PHF14: variants seen among roughly 807,000 people sequenced by gnomAD.
PHF14 encodes PHD finger protein 14.
PHF14 carries 55 observed loss-of-function variants against 117.9 expected under a neutral mutation model. The ratio of observed to expected loss-of-function variants is 0.47; its 90% CI spans 0.38 to 0.58. PHF14 has a LOEUF of 0.58. PHF14 is among the 20% of genes least tolerant of loss of function. The pLI is 0.00. For missense variants in PHF14, 978 were observed against 1,122.2 expected, an observed-to-expected ratio of 0.87 and a Z score of 1.84; for synonymous variants, 409 against 368.6, an observed-to-expected ratio of 1.11 and a Z score of -1.26.
chr7:11,124,839 A>G (rs965115299), intron 17 of PHF14, among the ~76,000 whole-genome samples: 2 of 152,142 alleles, frequency 1.3e-5, no homozygotes, highest in Non-Finnish European at 2.9e-5. Flanking sequence ...AACTCAGATA[A>G]TTTTTCTATT....
Position 11,013,736 on chromosome 7 carries a change from GTT to G in PHF14, c.1046-4_1046-3del. On this transcript the variant is annotated splice_polypyrimidine_tract_variant and intron_variant, in intron 4 of 17. Coordinates refer to ENST00000634607, the MANE Select transcript of PHF14 (RefSeq NM_001007157.2). ...AACCCTATTTAATCATAGTGTTTTT[GTT>G]TTTTTTAGGTTGTTATGGAGTTGAT... is the stretch of plus-strand genomic sequence containing the variant. 2 of 1,464,020 alleles carry G rather than the reference GTT, an allele frequency of 1.4e-6. No homozygotes were observed. The highest frequency in any genetic ancestry group is 9.3e-7 in the Non-Finnish European group (1 of 1,078,110). 90.7% of individuals were successfully genotyped at this position (1,464,020 alleles called of 1,614,324 possible).
At chr7:11,074,920 T>C (rs1156374022) in intron 16 of PHF14, among the ~76,000 whole-genome samples, 1 of 151,276 alleles carries the variant, frequency 6.6e-6, no homozygotes, top group Non-Finnish European at 1.5e-5. Context: ...CCAAGCTGCT[T>C]CCATATTTTC....
At chr7:11,003,574 A>G (rs1782958578) in intron 4 of PHF14, among the ~76,000 whole-genome samples, 1 of 152,232 alleles carries the variant, frequency 6.6e-6, no homozygotes, top group African/African-American at 2.4e-5. Flanking sequence ...GGAAATGAAC[A>G]TATCCATCAT....
At chr7:11,089,095 T>TA (rs76206106) in intron 16 of PHF14, among the ~76,000 whole-genome samples, 4,745 of 138,440 alleles carry the variant, frequency 0.034, 78 homozygotes, top group Middle Eastern at 0.06. Flanking sequence ...TAATTAGATA[T>TA]AAAAAAAAAA....
At chr7:10,988,160 A>G (rs960785364) in intron 3 of PHF14, among the ~76,000 whole-genome samples, 6 of 151,982 alleles carry the variant, frequency 3.9e-5, no homozygotes, top group African/African-American at 9.7e-5. Flanking sequence ...AGTTTTCCCT[A>G]TTTCCCTCTT....
At chr7:11,084,852 A>C (rs980346659) in intron 16 of PHF14, among the ~76,000 whole-genome samples, 2 of 152,096 alleles carry the variant, frequency 1.3e-5, no homozygotes, top group African/African-American at 4.8e-5. Context: ...TATATTGATG[A>C]ACCATTTGGA....
Position 11,066,553 on chromosome 7 carries a change from T to C in PHF14, c.2654+4468T>C, listed in dbSNP as rs947868199. Among the ~76,000 whole-genome samples the C allele has an allele frequency of 5.3e-5, 8 of 152,246 alleles. No individual in the cohort carries two copies. The East Asian group carries it at 1.5e-3, about 29-fold the overall frequency. On this transcript the variant is annotated intron_variant, in intron 16 of 17. Transcript: ENST00000634607. ...TTTTCTTCTAGAAGCTTTGTAGTTT[T>C]GGCTTTTATATTTTATATGAGCTAT...
intron 5 of PHF14, among the ~76,000 whole-genome samples, chr7:11,019,283 T>G (rs1347758367): frequency 6.6e-6 from 1 of 152,166 alleles, no homozygotes; most frequent in East Asian, 1.9e-4. Context: ...CTTCCTCTGT[T>G]TTTTGGAATA....
intron 16 of PHF14, chr7:11,109,641 T>C (rs1237104362): frequency 1.3e-5 from 2 of 151,912 alleles, no homozygotes; most frequent in Non-Finnish European, 1.5e-5. Context: ...AGAAAGAGCA[T>C]AAAATTATGT....
intron 4 of PHF14, among the ~76,000 whole-genome samples, chr7:11,006,021 A>G (rs529215637): frequency 3.2e-4 from 49 of 152,002 alleles, no homozygotes; most frequent in African/African-American, 1.0e-3. Flanking sequence ...CTCGATCTCC[A>G]GACCTCATGA....
intron 17 of PHF14, among the ~76,000 whole-genome samples, chr7:11,145,384 A>G (rs1360619235): frequency 5.3e-5 from 8 of 152,148 alleles, no homozygotes; most frequent in Admixed American, 5.2e-4. Context: ...CATATCTGAA[A>G]AACTCACATT....
intron 14 of PHF14, among the ~76,000 whole-genome samples, chr7:11,060,138 A>G (rs1438582049): frequency 6.6e-6 from 1 of 152,058 alleles, no homozygotes; most frequent in Non-Finnish European, 1.5e-5. Flanking sequence ...TAGCCTCTCA[A>G]AGTGTTGAGA....
At chr7:11,049,889 T>C (rs1190204765) in intron 13 of PHF14, among the ~76,000 whole-genome samples, 1 of 152,208 alleles carries the variant, frequency 6.6e-6, no homozygotes, top group Non-Finnish European at 1.5e-5. Context: ...ACCTGCCAGC[T>C]ATATTTACAT....
At chr7:11,025,160 A>G (rs1295926072) in intron 6 of PHF14, among the ~76,000 whole-genome samples, 1 of 152,186 alleles carries the variant, frequency 6.6e-6, no homozygotes, top group Non-Finnish European at 1.5e-5. Flanking sequence ...GATAACTAGA[A>G]TTAGAAGTGT....
At chr7:11,141,070 G>C (rs1036236710) in intron 17 of PHF14, among the ~76,000 whole-genome samples, 6 of 151,992 alleles carry the variant, frequency 3.9e-5, no homozygotes, top group African/African-American at 1.4e-4. Context: ...GTGCCACTCT[G>C]GGAAAATTCC....
intron 4 of PHF14, among the ~76,000 whole-genome samples, chr7:10,992,484 G>A (rs537105837): frequency 6.4e-4 from 96 of 150,684 alleles, no homozygotes; most frequent in African/African-American, 2.0e-3. Context: ...CCAACATGGC[G>A]AAACCCCATC....
chr7:11,023,075 C>G (rs766157422), intron 6 of PHF14, 96 bp downstream of exon 6: 1 of 575,426 alleles, frequency 1.7e-6, no homozygotes, highest in Non-Finnish European at 3.1e-6. Flanking sequence ...TGCAGAAATG[C>G]TTACTAGGAA....
intron 9 of PHF14, 90 bp from the exon 10 acceptor site, chr7:11,036,894 GT>G: frequency 1.0e-6 from 1 of 994,982 alleles, no homozygotes; most frequent in South Asian, 1.6e-5. Context: ...AACTATGTAG[GT>G]TTATCAATGT....
At chr7:11,022,188 C>T (rs1215936535) in intron 5 of PHF14, among the ~76,000 whole-genome samples, 1 of 152,022 alleles carries the variant, frequency 6.6e-6, no homozygotes, top group Non-Finnish European at 1.5e-5. Context: ...TTGTTTTAGT[C>T]TTATAGCATC....
Sources: gnomAD v4.1 joint callset for allele counts (sites outside exome capture counted in the v4.1 genomes callset) on GRCh38, gnomAD v4.1.1 for gene constraint, MANE v1.5 for transcripts, NCBI Gene and HGNC (gene_info 2026-07-23, HGNC 2026-07-21) for gene names.